Variants in WWOX observed in about 807,000 individuals in gnomAD.
WWOX encodes WW domain containing oxidoreductase, also known as WW domain-containing oxidoreductase.
In WWOX, 69 loss-of-function variants were observed where a neutral mutation model predicts 46.2. That is an observed-to-expected ratio of 1.49 (90% CI 1.23 to 1.82). The LOEUF (loss-of-function observed/expected upper bound fraction) is 1.82. WWOX is among the 40% of genes most tolerant of loss of function. WWOX has a pLI of 0.00. For missense variants in WWOX, 919 were observed against 542.6 expected, an observed-to-expected ratio of 1.69 and a Z score of -6.89; for synonymous variants, 359 against 202.6, an observed-to-expected ratio of 1.77 and a Z score of -6.56.
chr16:78,147,374 A>T lies in WWOX; in HGVS notation c.410-16809A>T, dbSNP rs529451807. Among the ~76,000 whole-genome samples, 11 of 152,320 alleles carry T rather than the reference A, an allele frequency of 7.2e-5. No homozygotes were observed. The South Asian group carries it at 2.3e-3, about 32-fold the overall frequency. The stretch of plus-strand genomic sequence containing the variant: ...AGGCAAGGTGATGGTGAGCCCACAG[A>T]GCACAGAGTTAATGGAACTCTGGCC... On this transcript the variant is annotated intron_variant, in intron 4 of 8. Transcript: ENST00000566780.
intron 8 of WWOX, among the ~76,000 whole-genome samples, chr16:79,141,534 T>G (rs555015475): frequency 6.6e-6 from 1 of 152,372 alleles, no homozygotes; most frequent in South Asian, 2.1e-4. Context: ...AGTCTCATTT[T>G]AATCGGAAGG....
intron 8 of WWOX, among the ~76,000 whole-genome samples, chr16:78,768,742 C>T (rs909347386): frequency 6.6e-6 from 1 of 152,014 alleles, no homozygotes; most frequent in African/African-American, 2.4e-5. Context: ...GTGTTTTATG[C>T]TTTTGTGAAA....
chr16:78,474,754 C>A (rs62034131), intron 8 of WWOX, among the ~76,000 whole-genome samples: 7,881 of 152,224 alleles, frequency 0.052, 477 homozygotes, highest in African/African-American at 0.14. Flanking sequence ...CTTCCCCAGC[C>A]TCTGCGAACC....
At chr16:78,997,250 A>G (rs948544457) in intron 8 of WWOX, among the ~76,000 whole-genome samples, 1 of 152,144 alleles carries the variant, frequency 6.6e-6, no homozygotes, top group East Asian at 1.9e-4. Context: ...TGATGCCAAA[A>G]TAAGCAGTCC....
At chr16:79,172,316 G>C (rs974700355) in intron 8 of WWOX, among the ~76,000 whole-genome samples, 1 of 152,142 alleles carries the variant, frequency 6.6e-6, no homozygotes, top group Non-Finnish European at 1.5e-5. Context: ...AGCTGCTTTC[G>C]TGCAGGAAGC....
chr16:78,798,591 G>GTT (rs34236291), intron 8 of WWOX, among the ~76,000 whole-genome samples: 5,533 of 98,208 alleles, frequency 0.056, 278 homozygotes, highest in African/African-American at 0.13. Flanking sequence ...TTGTTGTTGG[G>GTT]TTTTTTTTTT....
At chr16:79,016,628 G>C (rs2047418583) in intron 8 of WWOX, 1 of 152,202 alleles carries the variant, frequency 6.6e-6, no homozygotes. Flanking sequence ...TTGCCATGTT[G>C]CTCAGGCTGG....
chr16:78,464,530 T>A (rs983091912), intron 8 of WWOX, among the ~76,000 whole-genome samples: 1 of 152,154 alleles, frequency 6.6e-6, no homozygotes, highest in Admixed American at 6.5e-5. Context: ...CATATTTCCT[T>A]GAATCTTCAT....
At chr16:79,105,679 G>A (rs1009202065) in intron 8 of WWOX, among the ~76,000 whole-genome samples, 1 of 94,582 alleles carries the variant, frequency 1.1e-5, no homozygotes, top group African/African-American at 4.0e-5. Context: ...TTTTTTGTTT[G>A]CGAGACAGGG....
intron 8 of WWOX, among the ~76,000 whole-genome samples, chr16:78,684,096 C>T (rs1368925627): frequency 1.3e-5 from 2 of 152,144 alleles, no homozygotes; most frequent in Non-Finnish European, 2.9e-5. Context: ...CATGGCCGTG[C>T]AGTTCAACTC....
chr16:78,444,327 T>C (rs1451027276), intron 8 of WWOX, among the ~76,000 whole-genome samples: 1 of 152,096 alleles, frequency 6.6e-6, no homozygotes, highest in Non-Finnish European at 1.5e-5. Flanking sequence ...GTAAAATGAA[T>C]CAGTTAACCA....
intron 6 of WWOX, among the ~76,000 whole-genome samples, chr16:78,406,455 C>T (rs1423737959): frequency 1.3e-4 from 19 of 149,106 alleles, no homozygotes; most frequent in Non-Finnish European, 2.4e-4. Flanking sequence ...CGGGTTCAAG[C>T]GATTCCCCTG....
At position 79,015,643 on chromosome 16, in the gene WWOX, T is replaced by C. The variant is rs116768865; in HGVS notation, c.1057-195965T>C. On this transcript the variant is annotated intron_variant, in intron 8 of 8. Coordinates refer to ENST00000566780, the MANE Select transcript of WWOX (RefSeq NM_016373.4). ...GAGTTGGAAGCACACCACTGTGGGATTAGTCATGTCCCTAGTCCCTGTCTC... is the reference window on the plus strand; with the variant it reads ...GAGTTGGAAGCACACCACTGTGGGACTAGTCATGTCCCTAGTCCCTGTCTC... Among the ~76,000 whole-genome samples the C allele has an allele frequency of 4.3e-3, 649 of 152,340 alleles. 6 individuals carry two copies. Among genetic ancestry groups the C allele is most frequent in the African/African-American group, 0.015 (615 of 41,578 alleles).
chr16:78,948,504 G>T (rs895284224), intron 8 of WWOX, among the ~76,000 whole-genome samples: 1 of 152,072 alleles, frequency 6.6e-6, no homozygotes, highest in Non-Finnish European at 1.5e-5. Context: ...TTCCTGAAAG[G>T]CACCAGACCC....
At chr16:78,715,254 T>C (rs892858963) in intron 8 of WWOX, among the ~76,000 whole-genome samples, 16 of 152,214 alleles carry the variant, frequency 1.1e-4, no homozygotes, top group Admixed American at 3.3e-4. Context: ...CACAGAGCTT[T>C]GTCTTTTCTT....
At chr16:79,032,012 A>G (rs1211194300) in intron 8 of WWOX, among the ~76,000 whole-genome samples, 6 of 144,282 alleles carry the variant, frequency 4.2e-5, no homozygotes, top group African/African-American at 1.5e-4. Context: ...GTTATTAGGT[A>G]GACTCTCCTG....
At chr16:79,030,253 C>G (rs1292971282) in intron 8 of WWOX, among the ~76,000 whole-genome samples, 3 of 152,196 alleles carry the variant, frequency 2.0e-5, no homozygotes, top group African/African-American at 4.8e-5. Flanking sequence ...TGATTCTACT[C>G]TTTTAATTTT....
At chr16:78,275,418 C>T (rs1448700483) in intron 5 of WWOX, among the ~76,000 whole-genome samples, 2 of 152,224 alleles carry the variant, frequency 1.3e-5, no homozygotes, top group African/African-American at 2.4e-5. Flanking sequence ...TTATACCTGG[C>T]CCGCTTTCCA....
intron 8 of WWOX, among the ~76,000 whole-genome samples, chr16:79,196,175 G>C (rs2051236240): frequency 6.6e-6 from 1 of 152,314 alleles, no homozygotes; most frequent in Middle Eastern, 3.4e-3. Flanking sequence ...TTCTTCACCT[G>C]TTGGTGAACA....
Sources: allele counts gnomAD v4.1 joint callset (sites outside exome capture counted in the v4.1 genomes callset), GRCh38; gene constraint gnomAD v4.1.1; transcripts MANE v1.5; gene names NCBI Gene and HGNC (gene_info 2026-07-23, HGNC 2026-07-21).